Variants in DDHD1 observed in about 807,000 individuals in gnomAD.
DDHD1 encodes the protein DDHD domain containing 1, also known as phospholipase DDHD1.
A neutral mutation model predicts 96.4 loss-of-function variants in DDHD1; 49 were observed. That is an observed-to-expected ratio of 0.51 (90% CI 0.40 to 0.64). DDHD1 has a LOEUF of 0.64. Ranked by LOEUF, DDHD1 falls within the 30% of genes least tolerant of loss-of-function variation. The pLI is 0.00. For synonymous variants in DDHD1, 442 were observed against 446.5 expected (o/e 0.99, Z 0.13); for missense variants, 1,106 against 1,161.2 (o/e 0.95, Z 0.69).
chr14:53,088,322 G>C (rs1886151796), intron 4 of DDHD1, among the ~76,000 whole-genome samples: 1 of 152,244 alleles, frequency 6.6e-6, no homozygotes, highest in East Asian at 1.9e-4. Flanking sequence ...CATTTTATGA[G>C]GCCAACATCA....
intron 4 of DDHD1, among the ~76,000 whole-genome samples, chr14:53,085,271 G>A (rs1885847323): frequency 6.6e-6 from 1 of 152,148 alleles, no homozygotes; most frequent in South Asian, 2.1e-4. Context: ...AAAGAGCAGT[G>A]GTTCTCCCAG....
chr14:53,107,247 A>G (rs1408748928), intron 1 of DDHD1, among the ~76,000 whole-genome samples: 1 of 152,248 alleles, frequency 6.6e-6, no homozygotes, highest in Non-Finnish European at 1.5e-5. Flanking sequence ...TCCAACAATT[A>G]TAACAATGTG....
Position 53,055,895 on chromosome 14 carries a change from T to C in DDHD1, c.2010A>G (p.Pro670=). The C allele has an allele frequency of 6.2e-7, 1 of 1,613,464 alleles. No individual in the cohort carries two copies. The highest frequency in any genetic ancestry group is 1.1e-5 in the South Asian group (1 of 91,032). ...PTDPVAYRLE[P]LILKHYSNIS... ...TGTTGCTGTAGTGTTTCAGTATTAA[T>C]GGTTCTAATCTATAAGCCTTGATTT... Residue 670 remains proline, a synonymous_variant, in exon 10 of 13, where the codon CCA becomes CCG. Coordinates refer to ENST00000673822, the MANE Select transcript of DDHD1 (RefSeq NM_001160148.2).
At chr14:53,144,931 C>T (rs1471828556) in intron 1 of DDHD1, among the ~76,000 whole-genome samples, 1 of 152,064 alleles carries the variant, frequency 6.6e-6, no homozygotes, top group Admixed American at 6.6e-5. Context: ...AGGTAAATCA[C>T]CCGAGGTCAG....
chr14:53,070,878 TTTTAGATTA>T lies in DDHD1; in HGVS notation c.1503+1710_1503+1718del, dbSNP rs1190179456. On this transcript the variant is annotated intron_variant, in intron 6 of 12. Coordinates refer to ENST00000673822, the MANE Select transcript of DDHD1 (RefSeq NM_001160148.2). ...TTTTTCAAAGCTTAGTTAGGAATAT[TTTTAGATTA>T]AAAACACTGATGAAAGAAAGCTCCC... Among the ~76,000 whole-genome samples the T allele has an allele frequency of 4.3e-4, 65 of 152,216 alleles. No homozygotes were observed. In the East Asian group the frequency reaches 9.3e-3, roughly 22 times the overall value.
At chr14:53,098,993 T>C (rs954793637) in intron 2 of DDHD1, among the ~76,000 whole-genome samples, 4 of 152,122 alleles carry the variant, frequency 2.6e-5, no homozygotes, top group Non-Finnish European at 5.9e-5. Flanking sequence ...TTTGTTGTTA[T>C]TGATATGGGT....
intron 1 of DDHD1, among the ~76,000 whole-genome samples, chr14:53,116,692 C>T (rs961968563): frequency 3.3e-5 from 5 of 152,098 alleles, no homozygotes; most frequent in African/African-American, 7.2e-5. Context: ...AAAGAGACAA[C>T]GAGTGAGGAT....
chr14:53,075,751 T>A (rs1476050507), intron 4 of DDHD1, among the ~76,000 whole-genome samples: 1 of 152,318 alleles, frequency 6.6e-6, no homozygotes, highest in African/African-American at 2.4e-5. Context: ...CTAATGCAGC[T>A]GGTAACTTGG....
chr14:53,147,854 G>T (rs1474580645), intron 1 of DDHD1, among the ~76,000 whole-genome samples: 1 of 152,052 alleles, frequency 6.6e-6, no homozygotes, highest in African/African-American at 2.4e-5. Flanking sequence ...ACAGAAACTG[G>T]TCAAAAAAGA....
chr14:53,106,721 C>T (rs1315096983), intron 1 of DDHD1, among the ~76,000 whole-genome samples: 1 of 152,014 alleles, frequency 6.6e-6, no homozygotes, highest in East Asian at 1.9e-4. Context: ...CTTTTTTCCC[C>T]TCTCAAGAGG....
intron 1 of DDHD1, among the ~76,000 whole-genome samples, chr14:53,114,567 A>G (rs1200613681): frequency 1.3e-5 from 2 of 152,230 alleles, no homozygotes; most frequent in African/African-American, 4.8e-5. Context: ...GCTGTTCTGC[A>G]GCTTCCACTG....
At chr14:53,057,988 T>C (rs1035382366) in intron 9 of DDHD1, among the ~76,000 whole-genome samples, 5 of 152,048 alleles carry the variant, frequency 3.3e-5, no homozygotes, top group Non-Finnish European at 5.9e-5. Context: ...TAGCTGGGAT[T>C]ACAGCCGTGC....
chr14:53,093,125 TAATA>T (rs1036872601), intron 3 of DDHD1, 187 bp downstream of exon 3: 11 of 398,122 alleles, frequency 2.8e-5, no homozygotes, highest in Non-Finnish European at 3.3e-5. Context: ...TCTAAATATA[TAATA>T]ATTATTCCTT....
At chr14:53,131,375 C>T (rs558521024) in intron 1 of DDHD1, among the ~76,000 whole-genome samples, 31 of 152,268 alleles carry the variant, frequency 2.0e-4, no homozygotes, top group African/African-American at 3.4e-4. Context: ...CCCGGCTCAA[C>T]GCCAGTATGC....
chr14:53,038,092 T>C lies in DDHD1; in HGVS notation c.*8676A>G, dbSNP rs1881390514. On this transcript the variant is annotated 3_prime_UTR_variant, in exon 13 of 13. Coordinates refer to ENST00000673822, the MANE Select transcript of DDHD1 (RefSeq NM_001160148.2). ...TACAACCAACCCACAGACATCATAC[T>C]GGATGAGCAAAAGCTGGAACTATTC... 6.6e-6 allele frequency: 1 copy of C among 152,096 alleles called. No homozygotes were observed. The highest frequency in any genetic ancestry group is 2.4e-5 in the African/African-American group (1 of 41,426). 9.4% of individuals were successfully genotyped at this position (152,096 alleles called of 1,614,324 possible). A position where few individuals can be genotyped will look rare whatever the true frequency, so the allele number is the denominator to read the frequency against.
rs1315239690 is a variant in DDHD1, at chr14:53,038,506, A to G, written c.*8262T>C. ...AGGAGAACTACAAAACATGGCAGAA[A>G]GAAATCAGGGATGAAACCAAAAAAT... On this transcript the variant is annotated 3_prime_UTR_variant, in exon 13 of 13. Transcript: ENST00000673822. 2 of 152,206 alleles carry G rather than the reference A, an allele frequency of 1.3e-5. No individual in the cohort carries two copies. The highest frequency in any genetic ancestry group is 2.4e-5 in the African/African-American group (1 of 41,472). The allele number at this position is 152,206 out of a possible 1,614,324, so 9.4% of individuals were successfully genotyped here. A position where few individuals can be genotyped will look rare whatever the true frequency, so the allele number is the denominator to read the frequency against.
At chr14:53,076,073 C>T (rs904659257) in intron 4 of DDHD1, among the ~76,000 whole-genome samples, 10 of 152,146 alleles carry the variant, frequency 6.6e-5, no homozygotes, top group Admixed American at 1.3e-4. Context: ...CTGCAGCCCA[C>T]GGATCAAGGA....
chr14:53,137,062 G>C (rs1246227209), intron 1 of DDHD1, among the ~76,000 whole-genome samples: 1 of 152,040 alleles, frequency 6.6e-6, no homozygotes, highest in Non-Finnish European at 1.5e-5. Flanking sequence ...ATACAAACAT[G>C]ATGAGGAAGA....
At chr14:53,134,325 C>T (rs1890076215) in intron 1 of DDHD1, among the ~76,000 whole-genome samples, 1 of 152,196 alleles carries the variant, frequency 6.6e-6, no homozygotes, top group African/African-American at 2.4e-5. Flanking sequence ...ATCAGCCACT[C>T]TTGACTCCCT....
Sources: allele counts gnomAD v4.1 joint callset (sites outside exome capture counted in the v4.1 genomes callset), GRCh38; gene constraint gnomAD v4.1.1; transcripts MANE v1.5; gene names NCBI Gene and HGNC (gene_info 2026-07-23, HGNC 2026-07-21).